The following GRIK2 variants were observed in gnomAD, a reference collection of about 807,000 sequenced individuals.
The protein encoded by GRIK2 is glutamate receptor ionotropic, kainate 2.
Under a neutral mutation model 100.3 loss-of-function variants are expected in GRIK2, and 32 were observed. That is an observed-to-expected ratio of 0.32 (90% confidence interval 0.24 to 0.43). The LOEUF is 0.43. Ranked by LOEUF, GRIK2 falls within the 20% of genes least tolerant of loss-of-function variation. The pLI, the probability that GRIK2 is intolerant of heterozygous loss-of-function variation, is 1.00. For synonymous variants in GRIK2, 417 were observed against 389.4 expected, an observed-to-expected ratio of 1.07 and a Z score of -0.83; for missense variants, 843 against 1,114.9, an observed-to-expected ratio of 0.76 and a Z score of 3.47.
At chr6:101,640,034 T>C (rs1011529713) in intron 4 of GRIK2, among the ~76,000 whole-genome samples, 1 of 152,232 alleles carries the variant, frequency 6.6e-6, no homozygotes, top group Non-Finnish European at 1.5e-5. Context: ...TAAATACTTG[T>C]ATTTTTGTAA....
At chr6:101,765,190 C>T (rs1008035884) in intron 7 of GRIK2, among the ~76,000 whole-genome samples, 1 of 152,136 alleles carries the variant, frequency 6.6e-6, no homozygotes, top group Non-Finnish European at 1.5e-5. Flanking sequence ...CATGCTATAG[C>T]ACCCTGTTCC....
chr6:101,537,451 T>TGC (rs151282307), intron 2 of GRIK2, among the ~76,000 whole-genome samples: 30,307 of 129,098 alleles, frequency 0.23, 3,473 homozygotes, highest in African/African-American at 0.39. Context: ...TTTGTGTGTG[T>TGC]GTGCGTGTGT....
chr6:101,805,918 T>C (rs968601687), intron 9 of GRIK2, among the ~76,000 whole-genome samples: 1 of 152,020 alleles, frequency 6.6e-6, no homozygotes, highest in African/African-American at 2.4e-5. Flanking sequence ...AGGTGGGCCA[T>C]GCTCAAGTGT....
At chr6:101,715,925 ACT>A (rs1345303158) in intron 7 of GRIK2, among the ~76,000 whole-genome samples, 9 of 151,870 alleles carry the variant, frequency 5.9e-5, no homozygotes, top group South Asian at 4.1e-4. Context: ...TTTTAACAAA[ACT>A]CTGTTAGTCA....
intron 10 of GRIK2, among the ~76,000 whole-genome samples, chr6:101,853,261 T>A (rs1784242517): frequency 1.3e-5 from 2 of 152,212 alleles, no homozygotes; most frequent in Admixed American, 1.3e-4. Flanking sequence ...CTGGGAAAAT[T>A]ATTTAACCTC....
At chr6:101,490,906 G>A (rs1273673895) in intron 2 of GRIK2, among the ~76,000 whole-genome samples, 1 of 145,150 alleles carries the variant, frequency 6.9e-6, no homozygotes, top group Non-Finnish European at 1.5e-5. Flanking sequence ...CAAACTGGAT[G>A]ATGGAGGGAA....
At chr6:101,429,322 C>T (rs915713523) in intron 2 of GRIK2, among the ~76,000 whole-genome samples, 5 of 152,192 alleles carry the variant, frequency 3.3e-5, no homozygotes, top group Non-Finnish European at 5.9e-5. Flanking sequence ...ACATGATACC[C>T]TTGTTGCTCG....
rs527942678 is a variant in GRIK2, at chr6:101,894,825, G to T, written c.1748+4962G>T. On this transcript the variant is annotated intron_variant, in intron 12 of 16. Transcript: ENST00000369134. ...TATATATCTCCAAGAAAATTGAGCT[G>T]TTCTGAAATTCATTATTGGTCTAGG... 2.6e-5 allele frequency among the ~76,000 whole-genome samples: 4 copies of T among 151,562 alleles called. No individual in the cohort carries two copies. In the East Asian group the frequency reaches 5.8e-4, roughly 22 times the overall value.
intron 2 of GRIK2, among the ~76,000 whole-genome samples, chr6:101,485,937 C>T (rs1253519383): frequency 1.4e-5 from 2 of 147,626 alleles, no homozygotes; most frequent in Non-Finnish European, 3.0e-5. Flanking sequence ...TTTAGTAAAA[C>T]AGCTTTACTT....
intron 12 of GRIK2, among the ~76,000 whole-genome samples, chr6:101,899,316 A>C (rs1159495711): frequency 6.6e-6 from 1 of 151,960 alleles, no homozygotes; most frequent in Admixed American, 6.6e-5. Flanking sequence ...ATATAAAGTT[A>C]TCTCTCTAAG....
intron 2 of GRIK2, among the ~76,000 whole-genome samples, chr6:101,609,838 A>G (rs1359821542): frequency 1.3e-5 from 2 of 151,792 alleles, no homozygotes; most frequent in African/African-American, 4.8e-5. Flanking sequence ...AAAGGAATGA[A>G]AAAGATGGTG....
intron 7 of GRIK2, among the ~76,000 whole-genome samples, chr6:101,740,526 C>T (rs188523928): frequency 4.4e-4 from 67 of 152,228 alleles, no homozygotes; most frequent in African/African-American, 1.5e-3. Flanking sequence ...ATGTTCAGAA[C>T]GTAACTTTTG....
intron 2 of GRIK2, among the ~76,000 whole-genome samples, chr6:101,577,584 T>C (rs560683664): frequency 2.6e-5 from 4 of 151,988 alleles, no homozygotes; most frequent in Admixed American, 6.6e-5. Flanking sequence ...AAATAGTCAA[T>C]AAAACAAGAG....
intron 4 of GRIK2, among the ~76,000 whole-genome samples, chr6:101,653,625 T>C (rs1487704844): frequency 1.3e-5 from 2 of 151,950 alleles, no homozygotes; most frequent in African/African-American, 4.8e-5. Context: ...TAAAACATCT[T>C]TATTTTCTTT....
chr6:101,961,998 G>T (rs1224512046), intron 14 of GRIK2, among the ~76,000 whole-genome samples: 3 of 152,060 alleles, frequency 2.0e-5, no homozygotes, highest in East Asian at 3.9e-4. Context: ...CTAGTGCTTT[G>T]CCCTCAAGAA....
chr6:101,614,352 TAAAC>T (rs929443553), intron 2 of GRIK2, among the ~76,000 whole-genome samples: 2 of 151,764 alleles, frequency 1.3e-5, no homozygotes, highest in African/African-American at 2.4e-5. Flanking sequence ...ATTGTATAAA[TAAAC>T]ACTCATAAGC....
intron 2 of GRIK2, among the ~76,000 whole-genome samples, chr6:101,550,931 T>C (rs1033663143): frequency 6.6e-6 from 1 of 152,202 alleles, no homozygotes; most frequent in Non-Finnish European, 1.5e-5. Context: ...GGAAGCCATT[T>C]GGCATAGAAT....
chr6:101,688,888 C>G (rs1462570860), intron 7 of GRIK2, among the ~76,000 whole-genome samples: 1 of 151,124 alleles, frequency 6.6e-6, no homozygotes, highest in Non-Finnish European at 1.5e-5. Context: ...TTTTAAAATC[C>G]TTTCATCATA....
chr6:101,409,174 A>G lies in GRIK2; in HGVS notation c.115+9782A>G, dbSNP rs189087758. Reference sequence around the variant, plus strand: ...TGTGTACAGTTAAGATTATAATACCATATTTTTACTGTATATATTCTGTGT... The same window carrying G: ...TGTGTACAGTTAAGATTATAATACCGTATTTTTACTGTATATATTCTGTGT... On this transcript the variant is annotated intron_variant, in intron 2 of 16. Transcript: ENST00000369134. Among the ~76,000 whole-genome samples, 246 of 150,352 alleles carry G rather than the reference A, an allele frequency of 1.6e-3. 1 individual carries two copies. The highest frequency in any genetic ancestry group is 2.8e-3 in the Non-Finnish European group (190 of 67,590).
Sources: allele counts gnomAD v4.1 joint callset (sites outside exome capture counted in the v4.1 genomes callset), GRCh38; gene constraint gnomAD v4.1.1; transcripts MANE v1.5; gene names NCBI Gene and HGNC (gene_info 2026-07-23, HGNC 2026-07-21).